CDH7: variants seen among roughly 807,000 people sequenced by gnomAD.
CDH7 encodes the protein cadherin-7.
In CDH7, 25 loss-of-function variants were observed where a neutral mutation model predicts 71.8. That is an observed-to-expected ratio of 0.35 (90% CI 0.25 to 0.49). The LOEUF is 0.49. Among genes scored for constraint, CDH7 ranks in the 20% least tolerant of loss-of-function variants. The pLI, the probability that CDH7 is intolerant of heterozygous loss-of-function variation, is 0.99. For synonymous variants in CDH7, 381 were observed against 363.8 expected (o/e 1.05, Z -0.54); for missense variants, 862 against 974.6 (o/e 0.88, Z 1.54).
At chr18:65,807,702 G>T (rs1911375259) in intron 2 of CDH7, among the ~76,000 whole-genome samples, 1 of 152,210 alleles carries the variant, frequency 6.6e-6, no homozygotes, top group South Asian at 2.1e-4. Context: ...TCCATCATCT[G>T]CATTTGTCTT....
At chr18:65,770,044 G>A (rs141166019) in intron 2 of CDH7, among the ~76,000 whole-genome samples, 1 of 152,118 alleles carries the variant, frequency 6.6e-6, no homozygotes, top group Non-Finnish European at 1.5e-5. Context: ...GTTTGAGGGA[G>A]GTGCAAGGGT....
chr18:65,843,931 T>C lies in CDH7; in HGVS notation c.1101T>C (p.Ile367=). The change falls in exon 7 of 12, where the codon ATT becomes ATC. Residue 367 remains isoleucine (I), a synonymous_variant. Coordinates refer to ENST00000397968, the MANE Select transcript of CDH7 (RefSeq NM_004361.5). ...PFSDTTTVKI[I]VEDVDEPPVF... ...GTGACACGACAACTGTGAAGATAATTGTGGAAGATGTAGATGAGCCCCCTG... is the reference window on the plus strand; with the variant it reads ...GTGACACGACAACTGTGAAGATAATCGTGGAAGATGTAGATGAGCCCCCTG... 1 of 1,611,020 alleles carries C rather than the reference T, an allele frequency of 6.2e-7. No individual in the cohort carries two copies. Among genetic ancestry groups the C allele is most frequent in the Non-Finnish European group, 8.5e-7 (1 of 1,178,184 alleles).
At chr18:65,828,243 AG>A (rs916698044) in intron 6 of CDH7, among the ~76,000 whole-genome samples, 54 of 152,080 alleles carry the variant, frequency 3.6e-4, no homozygotes, top group African/African-American at 1.3e-3. Flanking sequence ...TTTATGTAAG[AG>A]TTGACTAAAA....
rs145348057 is a variant in CDH7, at chr18:65,850,173, A to ATATATATATATATATATATATATAT, written c.1235+6108_1235+6109insTATATATATATATATATATATATAT. On this transcript the variant is annotated intron_variant, in intron 7 of 11. Transcript: ENST00000397968. Reference sequence around the variant, plus strand: ...AGTGAGACCCTGCCACACTATATATAATATATATATATATAAAATTAAATA... The same window carrying ATATATATATATATATATATATATAT: ...AGTGAGACCCTGCCACACTATATATATATATATATATATATATATATATATATATATATATATATAAAATTAAATA... 1.8e-4 allele frequency among the ~76,000 whole-genome samples: 12 copies of ATATATATATATATATATATATATAT among 65,278 alleles called. 1 individual carries two copies. Among genetic ancestry groups the ATATATATATATATATATATATATAT allele is most frequent in the African/African-American group, 7.7e-4 (12 of 15,664 alleles). The allele number at this position is 65,278 out of a possible 152,430, so 42.8% of individuals were successfully genotyped here. A position where few individuals can be genotyped will look rare whatever the true frequency, so the allele number is the denominator to read the frequency against.
rs548473013 is a variant in CDH7 at position 65,755,158 on chromosome 18, C to T, written c.-197+4008C>T. ...CCAAAGATCACACATTGCAAAAGCA[C>T]TTATTACCAGAATGAGCAATTTTTA... On this transcript the variant is annotated intron_variant, in intron 1 of 11. Transcript: ENST00000397968. 2.0e-5 allele frequency among the ~76,000 whole-genome samples: 3 copies of T among 152,298 alleles called. No homozygotes were observed. In the South Asian group the frequency reaches 6.2e-4, roughly 32 times the overall value.
intron 11 of CDH7, chr18:65,866,298 C>CAAAAA (rs764157639): frequency 1.1e-3 from 1 of 942 alleles, no homozygotes; most frequent in African/African-American, 4.2e-3. Flanking sequence ...GACTCCGTCT[C>CAAAAA]AAAAAAAAAA....
chr18:65,768,407 G>A (rs1040438512), intron 2 of CDH7, among the ~76,000 whole-genome samples: 1 of 151,986 alleles, frequency 6.6e-6, no homozygotes, highest in African/African-American at 2.4e-5. Flanking sequence ...GATGGTTTTT[G>A]TATTTTTAGT....
chr18:65,781,282 A>G (rs148566161), intron 2 of CDH7, among the ~76,000 whole-genome samples: 56 of 152,276 alleles, frequency 3.7e-4, no homozygotes, highest in Non-Finnish European at 5.9e-4. Flanking sequence ...TTTTCTTTGT[A>G]TATATTTCAA....
At chr18:65,849,003 C>T (rs1913034808) in intron 7 of CDH7, among the ~76,000 whole-genome samples, 2 of 152,026 alleles carry the variant, frequency 1.3e-5, no homozygotes, top group African/African-American at 4.8e-5. Context: ...TATATGTGCA[C>T]ATATGAAATC....
At chr18:65,841,339 T>A (rs999409619) in intron 6 of CDH7, among the ~76,000 whole-genome samples, 1 of 152,188 alleles carries the variant, frequency 6.6e-6, no homozygotes, top group Non-Finnish European at 1.5e-5. Flanking sequence ...TATTCTTTCA[T>A]AAGGGAGACA....
In CDH7 at chr18:65,889,303, A is replaced by C. The variant is rs1914449093; in HGVS notation, c.*8409A>C. On this transcript the variant is annotated 3_prime_UTR_variant, in exon 12 of 12. Coordinates refer to ENST00000397968, the MANE Select transcript of CDH7 (RefSeq NM_004361.5). ...AAGAAAGAAAAAGCTAAATCTTATG[A>C]AGCTAAACTGTCAACAAACAGTTCC... 6.6e-6 allele frequency: 1 copy of C among 152,218 alleles called. No individual in the cohort carries two copies. Among genetic ancestry groups the C allele is most frequent in the Non-Finnish European group, 1.5e-5 (1 of 68,046 alleles). 9.4% of individuals were successfully genotyped at this position (152,218 alleles called of 1,614,324 possible).
intron 11 of CDH7, among the ~76,000 whole-genome samples, chr18:65,867,521 AT>A (rs2144048415): frequency 6.6e-6 from 1 of 152,324 alleles, no homozygotes; most frequent in Admixed American, 6.5e-5. Flanking sequence ...TATTCAGTAG[AT>A]TTTTTTAATA....
intron 5 of CDH7, among the ~76,000 whole-genome samples, chr18:65,823,152 A>C (rs1911998308): frequency 6.6e-6 from 1 of 151,820 alleles, no homozygotes; most frequent in Non-Finnish European, 1.5e-5. Flanking sequence ...TTTTTCCTTC[A>C]ATGACTGCTG....
intron 2 of CDH7, among the ~76,000 whole-genome samples, chr18:65,795,095 T>C (rs1910862117): frequency 6.6e-6 from 1 of 152,168 alleles, no homozygotes; most frequent in Admixed American, 6.5e-5. Flanking sequence ...GATTTTGAAT[T>C]AGAATGGATC....
chr18:65,857,161 G>A (rs555932809), intron 7 of CDH7, among the ~76,000 whole-genome samples: 109 of 151,564 alleles, frequency 7.2e-4, no homozygotes, highest in Non-Finnish European at 1.4e-3. Flanking sequence ...CAAATATATT[G>A]TAAATGGTTT....
chr18:65,831,221 A>G (rs1339799548), intron 6 of CDH7, among the ~76,000 whole-genome samples: 1 of 152,158 alleles, frequency 6.6e-6, no homozygotes, highest in Non-Finnish European at 1.5e-5. Context: ...TACTTTCCCT[A>G]TATGTACTTC....
chr18:65,855,085 G>A (rs549723933), intron 7 of CDH7, among the ~76,000 whole-genome samples: 1 of 152,034 alleles, frequency 6.6e-6, no homozygotes, highest in African/African-American at 2.4e-5. Flanking sequence ...AATATTAGCA[G>A]GTAGTTTAGT....
intron 11 of CDH7, among the ~76,000 whole-genome samples, chr18:65,869,897 C>T (rs1453046264): frequency 6.6e-6 from 1 of 152,046 alleles, no homozygotes; most frequent in Non-Finnish European, 1.5e-5. Context: ...TTTTATTACC[C>T]ATAGGATTAT....
Position 65,763,348 on chromosome 18 carries a change from T to C in CDH7, c.210+296T>C, listed in dbSNP as rs185829702. The stretch of plus-strand genomic sequence containing the variant: ...CTCTGGTTGTAACACATTGATAAAC[T>C]GTCGTTACCAAAGTGGAACAAGACT... On this transcript the variant is annotated intron_variant, in intron 2 of 11. Coordinates refer to ENST00000397968, the MANE Select transcript of CDH7 (RefSeq NM_004361.5). 4.2e-3 allele frequency among the ~76,000 whole-genome samples: 639 copies of C among 152,256 alleles called. 2 individuals are homozygous for C. Among genetic ancestry groups the C allele is most frequent in the Non-Finnish European group, 6.9e-3 (468 of 68,014 alleles).
Sources: allele counts gnomAD v4.1 joint callset (sites outside exome capture counted in the v4.1 genomes callset), GRCh38; gene constraint gnomAD v4.1.1; transcripts MANE v1.5; gene names NCBI Gene and HGNC (gene_info 2026-07-23, HGNC 2026-07-21).